The following TTC6 variants were observed in gnomAD, a reference collection of about 807,000 sequenced individuals.
TTC6 encodes tetratricopeptide repeat protein 6.
TTC6 carries 172 observed loss-of-function variants against 210.4 expected under a neutral mutation model. The observed-to-expected ratio is 0.82, with a 90% CI of 0.72 to 0.93. The LOEUF is 0.93. Among genes scored for constraint, TTC6 ranks in the 40% least tolerant of loss-of-function variants. TTC6 has a pLI of 0.00. For missense variants in TTC6, 2,414 were observed against 2,318.1 expected (o/e 1.04, Z -0.85); for synonymous variants, 804 against 819.6 (o/e 0.98, Z 0.32).
Position 37,751,165 on chromosome 14 carries a change from C to T in TTC6, c.3069C>T (p.Phe1023=), listed in dbSNP as rs908021176. The T allele has an allele frequency of 3.3e-6, 5 of 1,531,912 alleles. No individual in the cohort carries two copies. In the African/African-American group the frequency reaches 6.9e-5, roughly 21 times the overall value. The allele number at this position is 1,531,912 out of a possible 1,614,324, so 94.9% of individuals were successfully genotyped here. The change falls in exon 13 of 31, where the codon TTC becomes TTT. Residue 1023 remains phenylalanine, a synonymous_variant. Transcript: ENST00000553443. ...CGCCCACAGATGCTGATATCTATTTCAGGAGGGGTGAGATGTATGAAATAA... is the reference window on the plus strand; with the variant it reads ...CGCCCACAGATGCTGATATCTATTTTAGGAGGGGTGAGATGTATGAAATAA...
chr14:37,637,134 C>G (rs1340400797), intron 1 of TTC6, among the ~76,000 whole-genome samples: 4 of 150,178 alleles, frequency 2.7e-5, no homozygotes, highest in Non-Finnish European at 4.5e-5. Flanking sequence ...GAACGAAAAA[C>G]AAAAACCAAA....
At chr14:37,774,690 A>C (rs943499544) in intron 14 of TTC6, among the ~76,000 whole-genome samples, 2 of 152,034 alleles carry the variant, frequency 1.3e-5, no homozygotes, top group Admixed American at 6.6e-5. Context: ...TGTTGGCCTG[A>C]AGTTTTCATT....
chr14:37,785,804 G>A (rs1417825679), intron 14 of TTC6, among the ~76,000 whole-genome samples: 3 of 152,042 alleles, frequency 2.0e-5, no homozygotes, highest in Non-Finnish European at 4.4e-5. Context: ...ATGAGGTTTT[G>A]GTGTGGATGT....
intron 14 of TTC6, among the ~76,000 whole-genome samples, chr14:37,779,317 C>A (rs550506254): frequency 4.1e-4 from 62 of 152,256 alleles, no homozygotes; most frequent in African/African-American, 1.5e-3. Flanking sequence ...ATGTCCGTGT[C>A]CCTCAGTGGC....
chr14:37,842,199 G>A (rs531129111), exon 31 of TTC6: 1 of 1,608,084 alleles, frequency 6.2e-7, no homozygotes, highest in African/African-American at 1.3e-5. Context: ...TAATTTTAGA[G>A]CAAAAGTTCG....
At position 37,651,413 on chromosome 14, in the gene TTC6, ATATATATATATATTTTTTTTTTTTTT is replaced by A. The variant is rs1455225898; in HGVS notation, c.939+28412_939+28437del. Among the ~76,000 whole-genome samples, 73 of 22,922 alleles carry A rather than the reference ATATATATATATATTTTTTTTTTTTTT, an allele frequency of 3.2e-3. 1 individual carries two copies. The highest frequency in any genetic ancestry group is 0.01 in the South Asian group (4 of 394). The allele number at this position is 22,922 out of a possible 152,430, so 15.0% of individuals were successfully genotyped here. ...TATATATATATATATATATATATAT[ATATATATATATATTTTTTTTTTTTTT>A]TTTTTTTTTTTTTTCCATCCATGAT... On this transcript the variant is annotated intron_variant, in intron 1 of 30. Coordinates refer to ENST00000553443, the Ensembl canonical transcript of TTC6.
chr14:37,821,992 G>T (rs1379600810), intron 26 of TTC6, among the ~76,000 whole-genome samples: 1 of 151,752 alleles, frequency 6.6e-6, no homozygotes, highest in Non-Finnish European at 1.5e-5. Flanking sequence ...TGTTGGCCAG[G>T]CTGGTCTGGA....
rs569415501 is a variant in TTC6 at position 37,829,481 on chromosome 14, C to T, written c.5298+2115C>T. On this transcript the variant is annotated intron_variant, in intron 29 of 30. Coordinates refer to ENST00000553443, the Ensembl canonical transcript of TTC6. The stretch of plus-strand genomic sequence containing the variant: ...CTTAGTTTAGTTTCTCTACTATGAA[C>T]AACAATAAAATTACCCTGTAAACTC... 8.6e-5 allele frequency among the ~76,000 whole-genome samples: 13 copies of T among 151,864 alleles called. No individual in the cohort carries two copies. The South Asian group carries it at 2.7e-3, about 31-fold the overall frequency.
chr14:37,602,951 C>T (rs1319875249), intron 1 of TTC6, among the ~76,000 whole-genome samples: 1 of 152,122 alleles, frequency 6.6e-6, no homozygotes, highest in Non-Finnish European at 1.5e-5. Flanking sequence ...CACTGACCTC[C>T]TCATGAACCT....
intron 29 of TTC6, among the ~76,000 whole-genome samples, chr14:37,830,902 A>G (rs992862226): frequency 6.6e-6 from 1 of 152,132 alleles, no homozygotes; most frequent in African/African-American, 2.4e-5. Flanking sequence ...TGGAATATGC[A>G]TCACCTCAAA....
intron 1 of TTC6, among the ~76,000 whole-genome samples, chr14:37,675,314 A>G (rs1197948661): frequency 6.6e-6 from 1 of 152,142 alleles, no homozygotes; most frequent in East Asian, 1.9e-4. Flanking sequence ...TATAAATGGA[A>G]TCATACAATT....
chr14:37,718,025 C>T (rs960479130), intron 6 of TTC6, among the ~76,000 whole-genome samples: 3 of 152,124 alleles, frequency 2.0e-5, no homozygotes, highest in African/African-American at 4.8e-5. Flanking sequence ...GCTAGTGCCT[C>T]GATCTTGGAC....
At chr14:37,812,506 T>A in intron 25 of TTC6, 73 bp downstream of exon 27, 1 of 1,387,730 alleles carries the variant, frequency 7.2e-7, no homozygotes, top group Non-Finnish European at 9.6e-7. Flanking sequence ...AAGATTTTAT[T>A]ATTATCAACT....
intron 14 of TTC6, among the ~76,000 whole-genome samples, chr14:37,769,072 G>A (rs896044828): frequency 5.9e-5 from 9 of 151,744 alleles, no homozygotes; most frequent in African/African-American, 1.9e-4. Flanking sequence ...TGTGGTTTTT[G>A]TCTTTGGCTC....
At chr14:37,842,085 T>C (rs1375929508) in intron 30 of TTC6, 70 bp from the exon 33 acceptor site, 2 of 1,354,090 alleles carry the variant, frequency 1.5e-6, no homozygotes, top group East Asian at 2.6e-5. Flanking sequence ...TATCCAATTT[T>C]TTTTTGTAAA....
At chr14:37,711,612 G>T (rs1241323751) in intron 5 of TTC6, among the ~76,000 whole-genome samples, 1 of 152,122 alleles carries the variant, frequency 6.6e-6, no homozygotes. Context: ...GTTGGGGGAA[G>T]GAAGCAGAGT....
At chr14:37,752,976 A>G (rs895429342) in intron 13 of TTC6, 123 bp from the exon 16 acceptor site, 1 of 661,340 alleles carries the variant, frequency 1.5e-6, no homozygotes, top group Non-Finnish European at 2.2e-6. Flanking sequence ...AAATTTTGAC[A>G]TCTTCAGATG....
At chr14:37,778,642 G>A (rs2096045393) in intron 14 of TTC6, among the ~76,000 whole-genome samples, 1 of 152,152 alleles carries the variant, frequency 6.6e-6, no homozygotes, top group Admixed American at 6.5e-5. Flanking sequence ...GTGGAGGGAG[G>A]TTGCAGGTGG....
intron 14 of TTC6, among the ~76,000 whole-genome samples, chr14:37,764,089 A>C (rs937090507): frequency 6.6e-6 from 1 of 151,914 alleles, no homozygotes; most frequent in Non-Finnish European, 1.5e-5. Flanking sequence ...GAATTTCCCA[A>C]ATTTTCTTCT....
Sources: gnomAD v4.1 joint callset for allele counts (sites outside exome capture counted in the v4.1 genomes callset) on GRCh38, gnomAD v4.1.1 for gene constraint, MANE v1.5 for transcripts, NCBI Gene and HGNC (gene_info 2026-07-23, HGNC 2026-07-21) for gene names.